The following SLC4A10 variants were observed in gnomAD, a reference collection of about 807,000 sequenced individuals.
The protein encoded by SLC4A10 is sodium-driven chloride bicarbonate exchanger.
Under a neutral mutation model 137.7 loss-of-function variants are expected in SLC4A10, and 42 were observed. The observed-to-expected ratio is 0.30, with a 90% confidence interval of 0.24 to 0.39. The LOEUF (loss-of-function observed/expected upper bound fraction) is 0.39. SLC4A10 is among the 10% of genes least tolerant of loss of function. SLC4A10 has a pLI of 1.00. For synonymous variants in SLC4A10, 474 were observed against 464.1 expected (o/e 1.02, Z -0.27); for missense variants, 925 against 1,355.0 (o/e 0.68, Z 4.98).
At chr2:161,714,446 C>A (rs1182551838) in intron 1 of SLC4A10, among the ~76,000 whole-genome samples, 4 of 151,864 alleles carry the variant, frequency 2.6e-5, no homozygotes, top group Non-Finnish European at 5.9e-5. Context: ...TTAAAAATGG[C>A]AATATGGGAA....
At chr2:161,817,964 T>A (rs373442750) in intron 3 of SLC4A10, among the ~76,000 whole-genome samples, 5 of 136,922 alleles carry the variant, frequency 3.7e-5, no homozygotes, top group African/African-American at 8.0e-5. Context: ...GTGATGTGGG[T>A]TCTTTTTTGG....
chr2:161,821,882 A>G (rs2125694502), intron 3 of SLC4A10, among the ~76,000 whole-genome samples: 1 of 152,328 alleles, frequency 6.6e-6, no homozygotes, highest in South Asian at 2.1e-4. Context: ...TTTCTATTTT[A>G]AAGAATGAAG....
chr2:161,751,104 C>T (rs1051048885), intron 1 of SLC4A10, among the ~76,000 whole-genome samples: 8 of 151,742 alleles, frequency 5.3e-5, no homozygotes, highest in Non-Finnish European at 1.2e-4. Flanking sequence ...TTATACATGT[C>T]CTTGAATCTA....
chr2:161,696,086 C>T (rs1393041421), intron 1 of SLC4A10, among the ~76,000 whole-genome samples: 1 of 151,474 alleles, frequency 6.6e-6, no homozygotes, highest in Non-Finnish European at 1.5e-5. Flanking sequence ...ACGACAGGCC[C>T]CGTGTGTGAT....
At chr2:161,638,944 TA>T (rs199777811) in intron 1 of SLC4A10, among the ~76,000 whole-genome samples, 1 of 151,408 alleles carries the variant, frequency 6.6e-6, no homozygotes, top group Non-Finnish European at 1.5e-5. Context: ...AAATCAGAGA[TA>T]AAAAAGGAGA....
intron 15 of SLC4A10, among the ~76,000 whole-genome samples, chr2:161,930,458 C>T (rs1490170029): frequency 6.6e-6 from 1 of 151,710 alleles, no homozygotes; most frequent in African/African-American, 2.4e-5. Context: ...GCTTTATACA[C>T]CATTATATAT....
chr2:161,879,330 T>C (rs2061617728), intron 9 of SLC4A10, 42 bp downstream of exon 9: 2 of 1,524,480 alleles, frequency 1.3e-6, no homozygotes, highest in African/African-American at 2.8e-5. Context: ...TCTTAAACCA[T>C]CTTTTCATGG....
rs1311406672 is a variant in SLC4A10, at chr2:161,625,118, CTCTT to C, written c.48+556_48+559del. Among the ~76,000 whole-genome samples, 3 of 148,384 alleles carry C rather than the reference CTCTT, an allele frequency of 2.0e-5. No individual in the cohort carries two copies. The East Asian group carries it at 6.0e-4, about 30-fold the overall frequency. On this transcript the variant is annotated intron_variant, in intron 1 of 26. Transcript: ENST00000446997. ...GTGTGTGTGTGTGTGTGTGTTCTGT[CTCTT>C]TCTCAAAGGCAAATGTGTCATGGTT...
intron 19 of SLC4A10, among the ~76,000 whole-genome samples, chr2:161,951,839 A>G (rs1274947349): frequency 6.6e-6 from 1 of 152,188 alleles, no homozygotes; most frequent in Non-Finnish European, 1.5e-5. Context: ...TAAATGTAAG[A>G]AAGCACACTT....
At chr2:161,685,130 G>T (rs2041244524) in intron 1 of SLC4A10, among the ~76,000 whole-genome samples, 1 of 152,100 alleles carries the variant, frequency 6.6e-6, no homozygotes, top group African/African-American at 2.4e-5. Context: ...TTATCAGCAG[G>T]AATTTATTTA....
At position 161,957,066 on chromosome 2, in the gene SLC4A10, G is replaced by T; in HGVS notation, c.2619G>T (p.Trp873Cys). Residue 873 changes from tryptophan (W) to cysteine (C), a missense_variant, in exon 20 of 27, where the codon TGG (tryptophan) becomes TGT (cysteine). This residue lies in a region of SLC4A10 where 115 missense variants were observed against 237.5 expected (regional missense o/e 0.48). Transcript: ENST00000446997. ...TATGCTCCATCATGGGCCTGCCATGGTTTGTGGCTGCCACAGTCCTCTCCA... is the reference window on the plus strand; with the variant it reads ...TATGCTCCATCATGGGCCTGCCATGTTTTGTGGCTGCCACAGTCCTCTCCA... ...LGVCSIMGLPWFVAATVLSIT... is the reference protein window; with the variant it reads ...LGVCSIMGLPCFVAATVLSIT... 6.2e-7 allele frequency: 1 copy of T among 1,612,476 alleles called. No individual in the cohort carries two copies. Among genetic ancestry groups the T allele is most frequent in the Non-Finnish European group, 8.5e-7 (1 of 1,179,518 alleles).
At chr2:161,859,594 C>CTTTTTTTTTTTTTT (rs72003642) in intron 5 of SLC4A10, among the ~76,000 whole-genome samples, 70 of 47,266 alleles carry the variant, frequency 1.5e-3, no homozygotes, top group East Asian at 2.5e-3. Context: ...CTTTTCTTTT[C>CTTTTTTTTTTTTTT]TTTTTTTTTT....
chr2:161,710,990 C>A (rs572312521), intron 1 of SLC4A10, among the ~76,000 whole-genome samples: 3 of 151,716 alleles, frequency 2.0e-5, no homozygotes, highest in Non-Finnish European at 4.4e-5. Context: ...GCTGATGAAT[C>A]CTAGAAGGAG....
chr2:161,771,116 T>A, intron 2 of SLC4A10, 62 bp downstream of exon 2: 1 of 1,231,030 alleles, frequency 8.1e-7, no homozygotes, highest in Non-Finnish European at 1.2e-6. Context: ...CACAGATAAA[T>A]GTAGTTTGTC....
chr2:161,921,070 A>G lies in SLC4A10; in HGVS notation c.1997+15183A>G, dbSNP rs532446946. On this transcript the variant is annotated intron_variant, in intron 15 of 26. Transcript: ENST00000446997. ...TGCAATGTGATATAACAAGCACTATACAAGGTGTCTGTATAATGGCCTAAG... is the reference window on the plus strand; with the variant it reads ...TGCAATGTGATATAACAAGCACTATGCAAGGTGTCTGTATAATGGCCTAAG... Among the ~76,000 whole-genome samples the G allele has an allele frequency of 3.3e-5, 5 of 152,358 alleles. No homozygotes were observed. In the South Asian group the frequency reaches 1.0e-3, roughly 32 times the overall value.
chr2:161,841,662 T>C (rs1037215481), intron 4 of SLC4A10, among the ~76,000 whole-genome samples: 2 of 152,192 alleles, frequency 1.3e-5, no homozygotes, highest in African/African-American at 4.8e-5. Flanking sequence ...ACAGCTCTCC[T>C]TTATTTAAAA....
chr2:161,839,537 TTTA>T (rs1375223460), intron 3 of SLC4A10, among the ~76,000 whole-genome samples: 1 of 151,922 alleles, frequency 6.6e-6, no homozygotes, highest in African/African-American at 2.4e-5. Context: ...TTATTTATTA[TTTA>T]TTATATGTAT....
intron 9 of SLC4A10, among the ~76,000 whole-genome samples, chr2:161,881,279 G>T (rs1243189334): frequency 6.6e-6 from 1 of 151,982 alleles, no homozygotes; most frequent in South Asian, 2.1e-4. Flanking sequence ...GATGTACATA[G>T]GTTAGGAAGT....
chr2:161,873,626 A>G (rs1322729902), intron 7 of SLC4A10, among the ~76,000 whole-genome samples: 1 of 151,118 alleles, frequency 6.6e-6, no homozygotes, highest in Non-Finnish European at 1.5e-5. Context: ...TCTTTATCTG[A>G]GTGGCTGAAA....
Sources: gnomAD v4.1 joint callset for allele counts (sites outside exome capture counted in the v4.1 genomes callset) on GRCh38, gnomAD v4.1.1 for gene constraint, gnomAD v4.1.1 regional missense constraint, MANE v1.5 for transcripts, NCBI Gene and HGNC (gene_info 2026-07-23, HGNC 2026-07-21) for gene names.